Variants in TPCN1 observed in about 807,000 individuals in gnomAD.
TPCN1 encodes two pore channel protein 1.
TPCN1 carries 52 observed loss-of-function variants against 108.8 expected under a neutral mutation model. The observed-to-expected ratio is 0.48, with a 90% CI of 0.38 to 0.60. The LOEUF (loss-of-function observed/expected upper bound fraction) is 0.60. Among genes scored for constraint, TPCN1 ranks in the 20% least tolerant of loss-of-function variants. TPCN1 has a pLI of 0.00. For missense variants in TPCN1, 806 were observed against 1,072.8 expected, an observed-to-expected ratio of 0.75 and a Z score of 3.47; for synonymous variants, 446 against 433.7, an observed-to-expected ratio of 1.03 and a Z score of -0.35.
At chr12:113,286,045 C>T in intron 18 of TPCN1, 84 bp downstream of exon 18, 1 of 1,258,016 alleles carries the variant, frequency 7.9e-7, no homozygotes, top group South Asian at 1.2e-5. Context: ...TGATCCCGGG[C>T]CATTTCTGGA....
Position 113,266,403 on chromosome 12 carries a change from C to T in TPCN1, c.414+47C>T. 1 of 1,591,002 alleles carries T rather than the reference C, an allele frequency of 6.3e-7. No homozygotes were observed. The highest frequency in any genetic ancestry group is 8.5e-7 in the Non-Finnish European group (1 of 1,173,822). On this transcript the variant is annotated intron_variant, in intron 4 of 27. Transcript: ENST00000335509. The surrounding 1 kb of genome is among the most constrained non-coding windows in gnomAD (Gnocchi z 4.2). ...ACGGGGGGCTGGGAGCCACGGCTTTCAGGGCAAGCGATGGAACTCCAAAAA... is the reference window on the plus strand; with the variant it reads ...ACGGGGGGCTGGGAGCCACGGCTTTTAGGGCAAGCGATGGAACTCCAAAAA...
At chr12:113,263,323 G>T (rs908109992) in intron 3 of TPCN1, among the ~76,000 whole-genome samples, 1 of 152,152 alleles carries the variant, frequency 6.6e-6, no homozygotes, top group Non-Finnish European at 1.5e-5. Context: ...GAGTATAGTG[G>T]TGCGACCTTG....
chr12:113,266,496 G>A lies in TPCN1; in HGVS notation c.414+140G>A. On this transcript the variant is annotated intron_variant, in intron 4 of 27. Transcript: ENST00000335509. The surrounding 1 kb of genome is among the most constrained non-coding windows in gnomAD (Gnocchi z 4.2). ...AGAGAGATACGAGGTGGTCATAGAG[G>A]CCTTGGGAGCGGAAATGCCTGGGTG... 1 of 1,168,502 alleles carries A rather than the reference G, an allele frequency of 8.6e-7. No individual in the cohort carries two copies. Among genetic ancestry groups the A allele is most frequent in the South Asian group, 1.5e-5 (1 of 68,964 alleles). The allele number at this position is 1,168,502 out of a possible 1,614,324, so 72.4% of individuals were successfully genotyped here. A position where few individuals can be genotyped will look rare whatever the true frequency, so the allele number is the denominator to read the frequency against.
chr12:113,233,603 TCTGA>T (rs1233681183), intron 2 of TPCN1, among the ~76,000 whole-genome samples: 13 of 152,262 alleles, frequency 8.5e-5, no homozygotes, highest in Non-Finnish European at 1.8e-4. Flanking sequence ...TCGGACATCC[TCTGA>T]CTGTCACCCT....
intron 4 of TPCN1, 114 bp from the exon 5 acceptor site, chr12:113,267,729 G>C (rs1306685294): frequency 1.0e-5 from 7 of 687,300 alleles, no homozygotes; most frequent in Non-Finnish European, 1.8e-5. Flanking sequence ...TTGTAACTCT[G>C]ATATGTGTTG....
intron 1 of TPCN1, chr12:113,225,240 G>A (rs1450446453): frequency 2.0e-5 from 9 of 452,440 alleles, no homozygotes; most frequent in Non-Finnish European, 3.5e-5. Flanking sequence ...TTTTTATTTT[G>A]TAGAGATGGA....
At position 113,226,804 on chromosome 12, in the gene TPCN1, T is replaced by C; in HGVS notation, c.-49T>C. ...TTGAAAGGGAGCTCAAACCAGAGAC[T>C]ATTTCAAGCCCTGGATATCATATCC... On this transcript the variant is annotated 5_prime_UTR_variant, in exon 2 of 28. Transcript: ENST00000335509. 1 of 1,613,184 alleles carries C rather than the reference T, an allele frequency of 6.2e-7. No individual in the cohort carries two copies. Among genetic ancestry groups the C allele is most frequent in the Non-Finnish European group, 8.5e-7 (1 of 1,179,580 alleles).
In TPCN1 at chr12:113,272,831, A is replaced by G. The variant is rs1955549798; in HGVS notation, c.783+139A>G. The G allele has an allele frequency of 1.2e-6, 1 of 842,290 alleles. No homozygotes were observed. Among genetic ancestry groups the G allele is most frequent in the Admixed American group, 1.9e-5 (1 of 52,922 alleles). 52.2% of individuals were successfully genotyped at this position (842,290 alleles called of 1,614,324 possible). On this transcript the variant is annotated intron_variant, in intron 8 of 27. Transcript: ENST00000335509. This position sits in a 1 kb window ranked among gnomAD's most constrained non-coding sequence, Gnocchi z 4.1. ...TCATCATAGCTTGTGTGTGCATTGC[A>G]CCTGGGAGTTCCCATCACTCAGACT...
chr12:113,276,331 C>T lies in TPCN1; in HGVS notation c.943-588C>T, dbSNP rs999784499. Among the ~76,000 whole-genome samples, 3 of 152,206 alleles carry T rather than the reference C, an allele frequency of 2.0e-5. No homozygotes were observed. In the South Asian group the frequency reaches 6.2e-4, roughly 32 times the overall value. On this transcript the variant is annotated intron_variant, in intron 10 of 27. Transcript: ENST00000335509. The stretch of plus-strand genomic sequence containing the variant: ...AAGTTCTTCCCCGGCCTTCCATCCC[C>T]CTCTGATAAGCTAACTTTTGGTATT...
At position 113,297,620 on chromosome 12, in the gene TPCN1, G is replaced by C. The variant is rs1956470493; in HGVS notation, c.*1544G>C. The stretch of plus-strand genomic sequence containing the variant: ...TCCCCTTCCCCCCTTCCCAGGTCAG[G>C]GGAGTTGGACAAGTAGCAGGTGTTT... On this transcript the variant is annotated 3_prime_UTR_variant, in exon 28 of 28. Coordinates refer to ENST00000335509, the MANE Select transcript of TPCN1 (RefSeq NM_017901.6). The surrounding 1 kb of genome is among the most constrained non-coding windows in gnomAD (Gnocchi z 4.4). The C allele has an allele frequency of 6.6e-6, 1 of 152,666 alleles. No individual in the cohort carries two copies. Among genetic ancestry groups the C allele is most frequent in the Non-Finnish European group, 1.5e-5 (1 of 68,064 alleles). 9.5% of individuals were successfully genotyped at this position (152,666 alleles called of 1,614,324 possible).
intron 3 of TPCN1, among the ~76,000 whole-genome samples, 167 bp downstream of exon 3, chr12:113,260,659 T>C (rs1954996273): frequency 6.6e-6 from 1 of 152,184 alleles, no homozygotes; most frequent in Admixed American, 6.5e-5. Context: ...ACTGTGCTCA[T>C]AGGGGAAAAC....
At chr12:113,279,372 TATATATATATATATATATA>T (rs1257134577) in intron 14 of TPCN1, among the ~76,000 whole-genome samples, 6 of 27,994 alleles carry the variant, frequency 2.1e-4, no homozygotes, top group Non-Finnish European at 3.6e-4. Context: ...TATATATATA[TATATATATATATATATATA>T]TTTTTTTTTT....
At chr12:113,290,264 G>A in intron 22 of TPCN1, 21 bp downstream of exon 22, 5 of 1,518,870 alleles carry the variant, frequency 3.3e-6, no homozygotes, top group Middle Eastern at 1.7e-4. Flanking sequence ...AAAATCACAG[G>A]GGGCACATTC....
At chr12:113,249,687 T>A (rs1421134295) in intron 2 of TPCN1, 2 of 152,242 alleles carry the variant, frequency 1.3e-5, no homozygotes, top group Non-Finnish European at 2.9e-5. Flanking sequence ...AAAAACGAAG[T>A]ACTAGGAGAA....
chr12:113,258,452 T>C (rs995409231), intron 2 of TPCN1, among the ~76,000 whole-genome samples: 1 of 151,442 alleles, frequency 6.6e-6, no homozygotes, highest in African/African-American at 2.4e-5. Flanking sequence ...GGTGACAGAG[T>C]GAGACTCCAT....
At chr12:113,244,702 C>T (rs921789882) in intron 2 of TPCN1, 22 of 985,422 alleles carry the variant, frequency 2.2e-5, no homozygotes, top group Middle Eastern at 5.2e-4. Context: ...TGCTCGTTGT[C>T]ATTCTGGTAG....
intron 7 of TPCN1, among the ~76,000 whole-genome samples, chr12:113,271,418 C>G (rs544091029): frequency 6.6e-6 from 1 of 152,312 alleles, no homozygotes; most frequent in African/African-American, 2.4e-5. Flanking sequence ...TACCCCCTGT[C>G]CTACGCTTAT....
At chr12:113,290,312 G>A in intron 22 of TPCN1, 69 bp downstream of exon 22, 1 of 1,113,062 alleles carries the variant, frequency 9.0e-7, no homozygotes, top group Non-Finnish European at 1.3e-6. Flanking sequence ...GTCACCACGG[G>A]TCCCAGAGGT....
chr12:113,240,536 G>A (rs1053252097), intron 2 of TPCN1, among the ~76,000 whole-genome samples: 1 of 152,194 alleles, frequency 6.6e-6, no homozygotes, highest in African/African-American at 2.4e-5. Context: ...CTCAACCCAT[G>A]AGTAGGTAAT....
Sources: allele counts gnomAD v4.1 joint callset (sites outside exome capture counted in the v4.1 genomes callset), GRCh38; gene constraint gnomAD v4.1.1; non-coding constraint Gnocchi (gnomAD v3.1); transcripts MANE v1.5; gene names NCBI Gene and HGNC (gene_info 2026-07-23, HGNC 2026-07-21).